GRID2IP: variants seen among roughly 807,000 people sequenced by gnomAD.
GRID2IP encodes delphilin.
A neutral mutation model predicts 114.3 loss-of-function variants in GRID2IP; 78 were observed. That is an observed-to-expected ratio of 0.68 (90% CI 0.57 to 0.82). The LOEUF (loss-of-function observed/expected upper bound fraction) is 0.82, where lower values mean the gene tolerates loss of function less well. GRID2IP is among the 40% of genes least tolerant of loss of function. The pLI is 0.00. For synonymous variants in GRID2IP, 809 were observed against 724.0 expected, an observed-to-expected ratio of 1.12 and a Z score of -1.89; for missense variants, 1,727 against 1,678.5, an observed-to-expected ratio of 1.03 and a Z score of -0.51.
At chr7:6,504,677 G>A (rs1427749024) in intron 15 of GRID2IP, 116 bp downstream of exon 15, 3 of 787,756 alleles carry the variant, frequency 3.8e-6, no homozygotes, top group Admixed American at 2.7e-5. Context: ...CGCGCTGAGC[G>A]ACAGGAGGCC....
chr7:6,541,709 A>G (rs958947546), intron 1 of GRID2IP, among the ~76,000 whole-genome samples: 2 of 152,190 alleles, frequency 1.3e-5, no homozygotes, highest in African/African-American at 4.8e-5. Context: ...GGAAATGAGC[A>G]TGCAAATGGT....
Position 6,502,606 on chromosome 7 carries a change from C to T in GRID2IP, c.3150+180G>A, listed in dbSNP as rs186752362. 1.6e-3 allele frequency among the ~76,000 whole-genome samples: 238 copies of T among 150,682 alleles called. 3 individuals carry two copies. The highest frequency in any genetic ancestry group is 5.4e-3 in the African/African-American group (221 of 40,968). On this transcript the variant is annotated intron_variant, in intron 18 of 21. Transcript: ENST00000457091. ...AGTGTGTTCCCCCACCCCACCCCAC[C>T]CCACCCCACCCTTTGCTGCAGTCAC...
chr7:6,510,718 T>C lies in GRID2IP; in HGVS notation c.1556-12A>G, dbSNP rs1219624059. On this transcript the variant is annotated splice_polypyrimidine_tract_variant and intron_variant, in intron 9 of 21. Transcript: ENST00000457091. The stretch of plus-strand genomic sequence containing the variant: ...GCACTCGCTGGGACCTACCGGGGAA[T>C]AATGTCATTACCGTATCTGAGCTCT... 1 of 1,546,114 alleles carries C rather than the reference T, an allele frequency of 6.5e-7. No homozygotes were observed. The highest frequency in any genetic ancestry group is 2.0e-5 in the Admixed American group (1 of 50,362).
intron 4 of GRID2IP, among the ~76,000 whole-genome samples, chr7:6,525,767 C>G (rs1779498232): frequency 6.6e-6 from 1 of 152,182 alleles, no homozygotes; most frequent in Non-Finnish European, 1.5e-5. Flanking sequence ...GCCCTTTTGG[C>G]TGTCTGAGTC....
At chr7:6,505,070 T>C (rs1014025878) in intron 14 of GRID2IP, among the ~76,000 whole-genome samples, 200 bp from the exon 15 acceptor site, 9 of 152,204 alleles carry the variant, frequency 5.9e-5, no homozygotes, top group African/African-American at 2.2e-4. Flanking sequence ...CCCCGTGTCC[T>C]GTGCACTCCC....
intron 1 of GRID2IP, among the ~76,000 whole-genome samples, chr7:6,545,065 T>C (rs1206702495): frequency 4.0e-5 from 6 of 151,864 alleles, no homozygotes; most frequent in Non-Finnish European, 5.9e-5. Flanking sequence ...CCAGCCTGGG[T>C]GACAGAGACA....
chr7:6,522,839 G>A lies in GRID2IP; in HGVS notation c.920-882C>T, dbSNP rs1001201968. Among the ~76,000 whole-genome samples the A allele has an allele frequency of 4.6e-5, 7 of 151,272 alleles. 1 individual carries two copies. The highest frequency in any genetic ancestry group is 3.9e-4 in the East Asian group (2 of 5,182). On this transcript the variant is annotated intron_variant, in intron 4 of 21. Coordinates refer to ENST00000457091, the MANE Select transcript of GRID2IP (RefSeq NM_001145118.2). Reference sequence around the variant, plus strand: ...TGTGTGTGTGTGTGTGTGTGTTAGCGTGTGTTTAGTAGAGATGAGGTTTCG... The same window carrying A: ...TGTGTGTGTGTGTGTGTGTGTTAGCATGTGTTTAGTAGAGATGAGGTTTCG...
chr7:6,500,139 A>G (rs2115350193), intron 20 of GRID2IP, among the ~76,000 whole-genome samples: 1 of 151,950 alleles, frequency 6.6e-6, no homozygotes, highest in South Asian at 2.1e-4. Flanking sequence ...ACTAACCCTT[A>G]CCTAAACAGC....
chr7:6,524,068 T>A (rs1779461405), intron 4 of GRID2IP, among the ~76,000 whole-genome samples: 1 of 152,186 alleles, frequency 6.6e-6, no homozygotes, highest in Admixed American at 6.5e-5. Context: ...CAGGATTAAG[T>A]CTCAGAACAG....
At chr7:6,498,755 T>A (rs1017577388) in intron 20 of GRID2IP, among the ~76,000 whole-genome samples, 2 of 151,372 alleles carry the variant, frequency 1.3e-5, no homozygotes, top group Non-Finnish European at 2.9e-5. Flanking sequence ...CCCAGCTAAT[T>A]TTTTGATTTT....
chr7:6,518,730 A>G (rs1779357816), intron 7 of GRID2IP, among the ~76,000 whole-genome samples: 1 of 152,080 alleles, frequency 6.6e-6, no homozygotes, highest in African/African-American at 2.4e-5. Flanking sequence ...GTAAGACTCC[A>G]TCTCAAACAA....
chr7:6,539,758 G>A lies in GRID2IP; in HGVS notation c.544C>T (p.Leu182=). ...AGTGGCCCGCAGGCCTCTCGGGGCA[G>A]CGCCAGGGTGAGAGTCCACACCAGA... ...DDLVWTLTLA[L]PREACGPLLD... Residue 182 remains leucine, a synonymous_variant, in exon 2 of 22, where the codon CTG becomes TTG. Coordinates refer to ENST00000457091, the MANE Select transcript of GRID2IP (RefSeq NM_001145118.2). The A allele has an allele frequency of 6.5e-7, 1 of 1,550,084 alleles. No homozygotes were observed. Among genetic ancestry groups the A allele is most frequent in the South Asian group, 1.2e-5 (1 of 83,992 alleles).
Position 6,502,234 on chromosome 7 carries a change from T to A in GRID2IP, c.3151-116A>T, listed in dbSNP as rs190730784. 8.5e-6 allele frequency: 8 copies of A among 939,696 alleles called. No homozygotes were observed. In the East Asian group the frequency reaches 1.1e-4, roughly 12 times the overall value. The allele number at this position is 939,696 out of a possible 1,614,324, so 58.2% of individuals were successfully genotyped here. ...ATGATGAATTCTTGGCGCCCCCACT[T>A]TTTTTTTAATAGCAGGGTCTTGCTC... is the stretch of plus-strand genomic sequence containing the variant. On this transcript the variant is annotated intron_variant, in intron 18 of 21. Coordinates refer to ENST00000457091, the MANE Select transcript of GRID2IP (RefSeq NM_001145118.2).
Position 6,522,633 on chromosome 7 carries a change from G to T in GRID2IP, c.920-676C>A, listed in dbSNP as rs2347782. On this transcript the variant is annotated intron_variant, in intron 4 of 21. Coordinates refer to ENST00000457091, the MANE Select transcript of GRID2IP (RefSeq NM_001145118.2). Reference sequence around the variant, plus strand: ...TCTGAGTAGCTGGGACCATAGGCACGCACCACCACTCCGGGCTAATTTTTT... The same window carrying T: ...TCTGAGTAGCTGGGACCATAGGCACTCACCACCACTCCGGGCTAATTTTTT... Among the ~76,000 whole-genome samples the T allele has an allele frequency of 7.5e-3, 1,129 of 151,420 alleles. 19 individuals are homozygous for T. The highest frequency in any genetic ancestry group is 0.026 in the African/African-American group (1,086 of 41,248).
Position 6,506,681 on chromosome 7 carries a change from A to T in GRID2IP, c.2545-774T>A, listed in dbSNP as rs13230238. ...ATTTGTGCCCTTGTCTCACTGAGGTATTTTTTTTTTTTTTTTTTTAGATAG... is the reference window on the plus strand; with the variant it reads ...ATTTGTGCCCTTGTCTCACTGAGGTTTTTTTTTTTTTTTTTTTTTAGATAG... On this transcript the variant is annotated intron_variant, in intron 13 of 21. Coordinates refer to ENST00000457091, the MANE Select transcript of GRID2IP (RefSeq NM_001145118.2). This position sits in a 1 kb window ranked among gnomAD's most constrained non-coding sequence, Gnocchi z 5.2. 0.81 allele frequency among the ~76,000 whole-genome samples: 108,791 copies of T among 133,960 alleles called. 42,887 individuals are homozygous for T. The highest frequency in any genetic ancestry group is 0.92 in the African/African-American group (35,389 of 38,608). The allele number at this position is 133,960 out of a possible 152,430, so 87.9% of individuals were successfully genotyped here. A position where few individuals can be genotyped will look rare whatever the true frequency, so the allele number is the denominator to read the frequency against.
chr7:6,532,037 G>A lies in GRID2IP; in HGVS notation c.585-5268C>T, dbSNP rs1779638128. Among the ~76,000 whole-genome samples, 1 of 152,110 alleles carries A rather than the reference G, an allele frequency of 6.6e-6. No individual in the cohort carries two copies. The highest frequency in any genetic ancestry group is 2.4e-5 in the African/African-American group (1 of 41,438). On this transcript the variant is annotated intron_variant, in intron 2 of 21. Transcript: ENST00000457091. The surrounding 1 kb of genome is among the most constrained non-coding windows in gnomAD (Gnocchi z 4.4). ...TGCTCTGCCAGGAGAGAAGAGGGGAGGAACATTAAAGGGGAGGAGAGGGAG... is the reference window on the plus strand; with the variant it reads ...TGCTCTGCCAGGAGAGAAGAGGGGAAGAACATTAAAGGGGAGGAGAGGGAG...
At chr7:6,546,294 C>T (rs1779887108) in intron 1 of GRID2IP, among the ~76,000 whole-genome samples, 2 of 151,002 alleles carry the variant, frequency 1.3e-5, no homozygotes, top group Admixed American at 1.3e-4. Context: ...CCCATCTCTA[C>T]TTGAACTCCT....
Position 6,551,429 on chromosome 7 carries a change from G to T in GRID2IP, c.8C>A (p.Thr3Asn). 1.0e-5 allele frequency: 16 copies of T among 1,543,736 alleles called. No homozygotes were observed. Among genetic ancestry groups the T allele is most frequent in the Non-Finnish European group, 1.4e-5 (16 of 1,143,682 alleles). Residue 3 changes from threonine (T) to asparagine (N), a missense_variant, in exon 1 of 22, where the codon ACC becomes AAC. Physicochemically the swap from Thr to Asn is moderately conservative, Grantham distance 65. Transcript: ENST00000457091. Reference sequence around the variant, plus strand: ...CTGGTTCGTGGCCGGCGTGGCAGTGGTGGCCATGCACCTAGAACTGGAGAC... The same window carrying T: ...CTGGTTCGTGGCCGGCGTGGCAGTGTTGGCCATGCACCTAGAACTGGAGAC... MA[T>N]TATPATNQGW...
At position 6,509,412 on chromosome 7, in the gene GRID2IP, C is replaced by G; in HGVS notation, c.1772-99G>C. ...TCCTAGGACAGACTGGCTCTGTGTC[C>G]CAGGCCACTCTCCTTTCCCTCTCTG... On this transcript the variant is annotated intron_variant, in intron 11 of 21. Coordinates refer to ENST00000457091, the MANE Select transcript of GRID2IP (RefSeq NM_001145118.2). The surrounding 1 kb of genome is among the most constrained non-coding windows in gnomAD (Gnocchi z 4.9). 1 of 1,077,976 alleles carries G rather than the reference C, an allele frequency of 9.3e-7. No homozygotes were observed. The highest frequency in any genetic ancestry group is 1.3e-6 in the Non-Finnish European group (1 of 785,864). The allele number at this position is 1,077,976 out of a possible 1,614,324, so 66.8% of individuals were successfully genotyped here.
Sources: allele counts gnomAD v4.1 joint callset (sites outside exome capture counted in the v4.1 genomes callset), GRCh38; gene constraint gnomAD v4.1.1; non-coding constraint Gnocchi (gnomAD v3.1); transcripts MANE v1.5; gene names NCBI Gene and HGNC (gene_info 2026-07-23, HGNC 2026-07-21).